Variants in SIPA1L1 observed in about 807,000 individuals in gnomAD.
The protein encoded by SIPA1L1 is signal-induced proliferation-associated 1-like protein 1.
In SIPA1L1, 26 loss-of-function variants were observed where a neutral mutation model predicts 162.7. The observed-to-expected ratio is 0.16, with a 90% confidence interval of 0.12 to 0.22. SIPA1L1 has a LOEUF of 0.22. Among genes scored for constraint, SIPA1L1 ranks in the 10% least tolerant of loss-of-function variants. SIPA1L1 has a pLI of 1.00. For missense variants in SIPA1L1, 1,874 were observed against 2,241.0 expected (o/e 0.84, Z 3.31); for synonymous variants, 829 against 837.4 (o/e 0.99, Z 0.17).
In SIPA1L1 at chr14:71,544,038, TAC is replaced by T. The variant is rs762928334; in HGVS notation, c.-303+14673_-303+14674del. On this transcript the variant is annotated intron_variant, in intron 4 of 23. Transcript: ENST00000381232. ...ATACACATACGCACATGTATGTATA[TAC>T]ACACGCACGCACATGTATGTATATA... Among the ~76,000 whole-genome samples the T allele has an allele frequency of 8.1e-5, 12 of 148,386 alleles. 1 individual carries two copies. Among genetic ancestry groups the T allele is most frequent in the South Asian group, 2.1e-4 (1 of 4,770 alleles).
intron 2 of SIPA1L1, among the ~76,000 whole-genome samples, chr14:71,357,995 G>T (rs2037438373): frequency 6.6e-6 from 1 of 152,166 alleles, no homozygotes; most frequent in Non-Finnish European, 1.5e-5. Context: ...GCCTCCCAAA[G>T]TACTGGGCCA....
At chr14:71,512,019 T>C (rs1373020181) in intron 2 of SIPA1L1, among the ~76,000 whole-genome samples, 1 of 152,218 alleles carries the variant, frequency 6.6e-6, no homozygotes, top group Non-Finnish European at 1.5e-5. Context: ...GTACCTGTTT[T>C]CTGGAGTTTT....
rs546060129 is a variant in SIPA1L1 at position 71,487,226 on chromosome 14, A to C, written c.-464-25517A>C. 7.9e-5 allele frequency among the ~76,000 whole-genome samples: 12 copies of C among 152,054 alleles called. No homozygotes were observed. The South Asian group carries it at 2.5e-3, about 32-fold the overall frequency. On this transcript the variant is annotated intron_variant, in intron 2 of 23. Transcript: ENST00000381232. ...GCGTGCTGTTTTCCCTCCCCTCCCC[A>C]TCACCTTCTGACTGGTTTAGTGGCT...
chr14:71,646,299 C>G (rs1198913902), intron 7 of SIPA1L1, among the ~76,000 whole-genome samples: 4 of 151,994 alleles, frequency 2.6e-5, no homozygotes, highest in Admixed American at 2.6e-4. Context: ...GCCTCAGCCT[C>G]CCGAGTAGCT....
At chr14:71,346,536 A>G (rs750702546) in intron 2 of SIPA1L1, among the ~76,000 whole-genome samples, 2 of 152,174 alleles carry the variant, frequency 1.3e-5, no homozygotes, top group South Asian at 2.1e-4. Context: ...TGTAGAAGAG[A>G]GTATGGTTTC....
chr14:71,601,666 G>A (rs766269790), intron 5 of SIPA1L1, among the ~76,000 whole-genome samples: 2 of 152,060 alleles, frequency 1.3e-5, no homozygotes, highest in Non-Finnish European at 2.9e-5. Flanking sequence ...AGGAGAATTT[G>A]TATTCTTTAT....
In SIPA1L1 at chr14:71,329,534, G is replaced by A. The variant is rs146308219; in HGVS notation, c.-465+8353G>A. On this transcript the variant is annotated intron_variant, in intron 2 of 23. Coordinates refer to ENST00000381232, the MANE Select transcript of SIPA1L1 (RefSeq NM_001386936.1). Reference sequence around the variant, plus strand: ...CAGCTCACTGCAACGTCCACCTCCCGGGCTCAAGCAATCCTCCTGCCTCAG... The same window carrying A: ...CAGCTCACTGCAACGTCCACCTCCCAGGCTCAAGCAATCCTCCTGCCTCAG... Among the ~76,000 whole-genome samples the A allele has an allele frequency of 9.1e-3, 1,383 of 151,364 alleles. 23 individuals are homozygous for A. The highest frequency in any genetic ancestry group is 0.032 in the African/African-American group (1,325 of 41,266).
intron 5 of SIPA1L1, 105 bp downstream of exon 5, chr14:71,589,475 G>GCAAA: frequency 1.5e-6 from 1 of 662,262 alleles, no homozygotes; most frequent in Non-Finnish European, 2.4e-6. Context: ...AGATTTGCAT[G>GCAAA]TCTTATCTTT....
Position 71,529,317 on chromosome 14 carries a change from A to G in SIPA1L1, c.-356A>G. On this transcript the variant is annotated 5_prime_UTR_variant, in exon 4 of 24. In the 5' UTR this introduces an upstream ATG that the reference lacks. Transcript: ENST00000381232. Reference sequence around the variant, plus strand: ...TTTTTCTAATTTTATTTCAGGTTATACCTTATTGGTGTGGACGTTGTCTAA... The same window carrying G: ...TTTTTCTAATTTTATTTCAGGTTATGCCTTATTGGTGTGGACGTTGTCTAA... 1 of 655,100 alleles carries G rather than the reference A, an allele frequency of 1.5e-6. No individual in the cohort carries two copies. The allele number at this position is 655,100 out of a possible 1,614,324, so 40.6% of individuals were successfully genotyped here.
intron 4 of SIPA1L1, among the ~76,000 whole-genome samples, chr14:71,542,332 TTCCTCC>T (rs1330657445): frequency 3.3e-4 from 46 of 139,070 alleles, no homozygotes; most frequent in Non-Finnish European, 5.1e-4. Flanking sequence ...CCTCTTCCTC[TTCCTCC>T]TCCTCCTTCT....
chr14:71,510,000 A>G (rs895121885), intron 2 of SIPA1L1, among the ~76,000 whole-genome samples: 1 of 151,990 alleles, frequency 6.6e-6, no homozygotes, highest in Non-Finnish European at 1.5e-5. Context: ...AACTTGACAC[A>G]AGTGCCCCCA....
intron 2 of SIPA1L1, among the ~76,000 whole-genome samples, chr14:71,358,330 A>C (rs1195022612): frequency 9.9e-5 from 15 of 152,242 alleles, no homozygotes; most frequent in Admixed American, 3.3e-4. Context: ...AATAAGCTGC[A>C]AAAATGGAGG....
intron 7 of SIPA1L1, among the ~76,000 whole-genome samples, chr14:71,630,880 CAT>C (rs968929532): frequency 6.6e-6 from 1 of 150,438 alleles, no homozygotes; most frequent in Non-Finnish European, 1.5e-5. Context: ...TATATATATA[CAT>C]ATATATATAC....
intron 2 of SIPA1L1, among the ~76,000 whole-genome samples, chr14:71,381,595 CTTGT>C (rs1490823305): frequency 6.6e-6 from 1 of 152,134 alleles, no homozygotes; most frequent in East Asian, 1.9e-4. Context: ...CGGGTGGATT[CTTGT>C]TTTAGAAGCT....
At chr14:71,635,710 G>A (rs1286366949) in intron 7 of SIPA1L1, among the ~76,000 whole-genome samples, 2 of 152,080 alleles carry the variant, frequency 1.3e-5, no homozygotes, top group Non-Finnish European at 2.9e-5. Flanking sequence ...AAGATAAAAT[G>A]ACAGACTTAA....
At chr14:71,598,370 G>T in intron 5 of SIPA1L1, 1 of 291,956 alleles carries the variant, frequency 3.4e-6, no homozygotes, top group African/African-American at 2.3e-5. Context: ...CAGGAGGAAA[G>T]ATAGTAACTT....
intron 2 of SIPA1L1, among the ~76,000 whole-genome samples, chr14:71,469,187 G>A (rs1460889905): frequency 1.3e-5 from 2 of 150,828 alleles, no homozygotes; most frequent in East Asian, 1.9e-4. Flanking sequence ...TTACCCATCC[G>A]CAGAGTCCAC....
At chr14:71,659,613 T>C (rs1038319505) in intron 9 of SIPA1L1, among the ~76,000 whole-genome samples, 17 of 152,108 alleles carry the variant, frequency 1.1e-4, no homozygotes, top group African/African-American at 4.1e-4. Flanking sequence ...GATAAAAAAT[T>C]TAAGAACATT....
intron 3 of SIPA1L1, among the ~76,000 whole-genome samples, chr14:71,526,348 G>A (rs2052868160): frequency 6.6e-6 from 1 of 151,980 alleles, no homozygotes; most frequent in Non-Finnish European, 1.5e-5. Flanking sequence ...CTCCCAGTCT[G>A]TATTTTCCCC....
Sources: gnomAD v4.1 joint callset for allele counts (sites outside exome capture counted in the v4.1 genomes callset) on GRCh38, gnomAD v4.1.1 for gene constraint, MANE v1.5 for transcripts, NCBI Gene and HGNC (gene_info 2026-07-23, HGNC 2026-07-21) for gene names.